The following PLCE1 variants were observed in gnomAD, a reference collection of about 807,000 sequenced individuals.
The protein encoded by PLCE1 is phospholipase C epsilon 1.
PLCE1 carries 119 observed loss-of-function variants against 242.8 expected under a neutral mutation model. The ratio of observed to expected loss-of-function variants is 0.49; its 90% CI spans 0.42 to 0.57. PLCE1 has a LOEUF of 0.57. PLCE1 is among the 20% of genes least tolerant of loss of function. The probability of loss-of-function intolerance (pLI) is 0.00; values close to 1 mark genes in which losing one functional copy is unlikely to be tolerated. For missense variants in PLCE1, 2,441 were observed against 2,788.8 expected, an observed-to-expected ratio of 0.88 and a Z score of 2.81; for synonymous variants, 945 against 1,017.4, an observed-to-expected ratio of 0.93 and a Z score of 1.35.
intron 3 of PLCE1, among the ~76,000 whole-genome samples, chr10:94,149,603 A>ATT (rs1035275404): frequency 2.6e-5 from 4 of 152,180 alleles, no homozygotes; most frequent in Non-Finnish European, 4.4e-5. Flanking sequence ...AAATTCCCAG[A>ATT]TAAAAACCTG....
intron 20 of PLCE1, chr10:94,280,170 G>A: frequency 2.0e-6 from 1 of 511,130 alleles, no homozygotes; most frequent in Non-Finnish European, 3.5e-6. Flanking sequence ...AGGAAGAGAT[G>A]GAATTGCAGC....
At chr10:94,009,167 C>A (rs1367124739) in intron 1 of PLCE1, among the ~76,000 whole-genome samples, 1 of 151,998 alleles carries the variant, frequency 6.6e-6, no homozygotes, top group Non-Finnish European at 1.5e-5. Context: ...CTGGGGAGGG[C>A]CTCAGGAAGC....
At chr10:94,093,940 T>TA (rs1554852868) in intron 2 of PLCE1, among the ~76,000 whole-genome samples, 2 of 128,674 alleles carry the variant, frequency 1.6e-5, no homozygotes, top group African/African-American at 6.6e-5. Context: ...ATTTCTTTTT[T>TA]TTTTTTTTTT....
chr10:94,097,864 C>T (rs2045372813), intron 2 of PLCE1, among the ~76,000 whole-genome samples: 1 of 152,108 alleles, frequency 6.6e-6, no homozygotes, highest in Non-Finnish European at 1.5e-5. Flanking sequence ...GAGTCATGCT[C>T]CAAAGTAGCA....
chr10:94,199,770 A>G (rs2048936560), intron 4 of PLCE1, among the ~76,000 whole-genome samples: 1 of 150,478 alleles, frequency 6.6e-6, no homozygotes, highest in Non-Finnish European at 1.5e-5. Context: ...GTGGGATGGA[A>G]GTCAGCAGGA....
rs2133958951 is a variant in PLCE1, at chr10:94,328,653, TTGGGG to T, written c.*711_*715del. On this transcript the variant is annotated 3_prime_UTR_variant, in exon 33 of 33. Coordinates refer to ENST00000371380, the MANE Select transcript of PLCE1 (RefSeq NM_016341.4). ...AATTAGAAGCTTAGAATTAGAAGCT[TTGGGG>T]CATTTCAAGTGTAAATATGTCCTAT... 6.6e-6 allele frequency: 1 copy of T among 152,364 alleles called. No individual in the cohort carries two copies. The highest frequency in any genetic ancestry group is 1.9e-4 in the East Asian group (1 of 5,186). The allele number at this position is 152,364 out of a possible 1,614,324, so 9.4% of individuals were successfully genotyped here.
chr10:94,313,413 C>T, intron 28 of PLCE1, 31 bp downstream of exon 28: 1 of 1,613,706 alleles, frequency 6.2e-7, no homozygotes, highest in East Asian at 2.2e-5. Flanking sequence ...TTGGGAGAAT[C>T]CAAAATCTAA....
intron 2 of PLCE1, among the ~76,000 whole-genome samples, chr10:94,102,755 A>G (rs1326747055): frequency 6.6e-6 from 1 of 152,196 alleles, no homozygotes; most frequent in Non-Finnish European, 1.5e-5. Flanking sequence ...TCCTGGTGCC[A>G]CGACGGGTCT....
At position 94,329,970 on chromosome 10, in the gene PLCE1, A is replaced by G. The variant is rs1034178918; in HGVS notation, c.*2027A>G. 6.6e-6 allele frequency: 1 copy of G among 152,088 alleles called. No individual in the cohort carries two copies. The highest frequency in any genetic ancestry group is 1.5e-5 in the Non-Finnish European group (1 of 68,010). 9.4% of individuals were successfully genotyped at this position (152,088 alleles called of 1,614,324 possible). On this transcript the variant is annotated 3_prime_UTR_variant, in exon 33 of 33. Coordinates refer to ENST00000371380, the MANE Select transcript of PLCE1 (RefSeq NM_016341.4). ...AAATATTCATTCTAACAAATGCACA[A>G]TGCTGCTCCATTTTAAAAATATTCC...
rs35760715 is a variant in PLCE1 at position 94,158,854 on chromosome 10, CT to C, written c.1493-12307del. On this transcript the variant is annotated intron_variant, in intron 3 of 32. Coordinates refer to ENST00000371380, the MANE Select transcript of PLCE1 (RefSeq NM_016341.4). ...TATTTTAAATTTTCTTCTTCTTTTTCTTTTTTTTTTTTTTTTTTTGAGACGG... is the reference window on the plus strand; with the variant it reads ...TATTTTAAATTTTCTTCTTCTTTTTCTTTTTTTTTTTTTTTTTTGAGACGG... Among the ~76,000 whole-genome samples the C allele has an allele frequency of 3.4e-3, 381 of 111,566 alleles. 1 individual carries two copies. The highest frequency in any genetic ancestry group is 6.5e-3 in the Middle Eastern group (1 of 154). The allele number at this position is 111,566 out of a possible 152,430, so 73.2% of individuals were successfully genotyped here. A position where few individuals can be genotyped will look rare whatever the true frequency, so the allele number is the denominator to read the frequency against.
chr10:94,262,824 T>C (rs1473821717), intron 14 of PLCE1, 92 bp downstream of exon 14: 2 of 953,502 alleles, frequency 2.1e-6, no homozygotes, highest in African/African-American at 3.2e-5. Flanking sequence ...TATACTTCTT[T>C]CCAAAGCCTT....
intron 2 of PLCE1, among the ~76,000 whole-genome samples, chr10:94,095,007 C>T (rs2045250670): frequency 6.6e-6 from 1 of 152,242 alleles, no homozygotes; most frequent in Admixed American, 6.5e-5. Flanking sequence ...GGCTACTCCA[C>T]AAACTGTTTC....
At position 94,015,889 on chromosome 10, in the gene PLCE1, A is replaced by G. The variant is rs138402502; in HGVS notation, c.-364-14794A>G. Among the ~76,000 whole-genome samples the G allele has an allele frequency of 2.0e-5, 3 of 152,330 alleles. No homozygotes were observed. The East Asian group carries it at 5.8e-4, about 29-fold the overall frequency. On this transcript the variant is annotated intron_variant, in intron 1 of 32. Coordinates refer to ENST00000371380, the MANE Select transcript of PLCE1 (RefSeq NM_016341.4). ...GTAAATTTCCCTTTGATAAATATCA[A>G]TTAGGCCAATTAGAGTAGTTTTATG...
intron 29 of PLCE1, among the ~76,000 whole-genome samples, chr10:94,318,038 A>G (rs963367030): frequency 2.6e-5 from 4 of 152,156 alleles, no homozygotes; most frequent in African/African-American, 9.7e-5. Context: ...TTCACTTTCT[A>G]GTCACAGTGA....
chr10:94,141,573 G>A (rs1402702680), intron 3 of PLCE1, among the ~76,000 whole-genome samples: 17 of 94,476 alleles, frequency 1.8e-4, no homozygotes, highest in African/African-American at 4.8e-4. Flanking sequence ...GGAAGGCTAA[G>A]GGAAGGTGAA....
At chr10:94,101,650 G>T (rs2045541107) in intron 2 of PLCE1, among the ~76,000 whole-genome samples, 1 of 152,202 alleles carries the variant, frequency 6.6e-6, no homozygotes, top group Non-Finnish European at 1.5e-5. Context: ...CAGGGCCAGT[G>T]GCTGGCACAG....
chr10:94,313,432 G>T (rs1207084773), intron 28 of PLCE1, 50 bp downstream of exon 28: 1 of 1,607,976 alleles, frequency 6.2e-7, no homozygotes, highest in Non-Finnish European at 8.5e-7. Context: ...AAGATGTATG[G>T]ATGTATGTGT....
intron 2 of PLCE1, among the ~76,000 whole-genome samples, chr10:94,078,659 T>C (rs1482330931): frequency 1.3e-5 from 2 of 152,130 alleles, no homozygotes. Context: ...ATAATTTTTG[T>C]ATTTTTAGCA....
intron 1 of PLCE1, among the ~76,000 whole-genome samples, chr10:94,001,690 G>T (rs910667972): frequency 6.6e-6 from 1 of 152,168 alleles, no homozygotes; most frequent in Admixed American, 6.5e-5. Flanking sequence ...CACAGGAGTT[G>T]TTTCAAGTTA....
Sources: gnomAD v4.1 joint callset for allele counts (sites outside exome capture counted in the v4.1 genomes callset) on GRCh38, gnomAD v4.1.1 for gene constraint, MANE v1.5 for transcripts, NCBI Gene and HGNC (gene_info 2026-07-23, HGNC 2026-07-21) for gene names.